MYO10: variants seen among roughly 807,000 people sequenced by gnomAD.
The protein encoded by MYO10 is unconventional myosin-X.
In MYO10, 133 loss-of-function variants were observed where a neutral mutation model predicts 257.3. The ratio of observed to expected loss-of-function variants is 0.52; its 90% confidence interval spans 0.45 to 0.60. The LOEUF is 0.60. MYO10 is among the 20% of genes least tolerant of loss of function. The probability of loss-of-function intolerance (pLI) is 0.00; values close to 1 mark genes in which losing one functional copy is unlikely to be tolerated. For missense variants in MYO10, 2,399 were observed against 2,635.7 expected (o/e 0.91, Z 1.97); for synonymous variants, 1,104 against 1,028.6 (o/e 1.07, Z -1.40).
At chr5:16,867,470 C>T (rs1304759257) in intron 2 of MYO10, among the ~76,000 whole-genome samples, 1 of 151,856 alleles carries the variant, frequency 6.6e-6, no homozygotes, top group Admixed American at 6.6e-5. Context: ...CCAATAGGGG[C>T]AAAGGGAAGG....
At chr5:16,689,090 G>A (rs770453140) in intron 28 of MYO10, among the ~76,000 whole-genome samples, 2 of 152,204 alleles carry the variant, frequency 1.3e-5, no homozygotes, top group Non-Finnish European at 2.9e-5. Flanking sequence ...CCATTCAACA[G>A]AATTGAGGTT....
At chr5:16,869,003 C>T (rs1004992462) in intron 2 of MYO10, among the ~76,000 whole-genome samples, 2 of 151,928 alleles carry the variant, frequency 1.3e-5, no homozygotes, top group Admixed American at 6.5e-5. Flanking sequence ...CAGTGGCTCA[C>T]ACCTGTAATC....
chr5:16,855,296 A>C (rs1160002338), intron 2 of MYO10, among the ~76,000 whole-genome samples: 1 of 152,214 alleles, frequency 6.6e-6, no homozygotes, highest in Non-Finnish European at 1.5e-5. Flanking sequence ...TAACCATTGC[A>C]GATAATGTCC....
chr5:16,707,380 T>C (rs1232789938), intron 21 of MYO10, among the ~76,000 whole-genome samples: 1 of 152,180 alleles, frequency 6.6e-6, no homozygotes, highest in Non-Finnish European at 1.5e-5. Flanking sequence ...GAATGTGGCA[T>C]CAAAGCAGGC....
intron 19 of MYO10, among the ~76,000 whole-genome samples, chr5:16,751,386 C>T (rs1740373004): frequency 1.3e-5 from 2 of 152,274 alleles, no homozygotes; most frequent in South Asian, 4.1e-4. Context: ...GCTATCTTGC[C>T]ATAATCAAAT....
At position 16,665,088 on chromosome 5, in the gene MYO10, A is replaced by C. The variant is rs1736098958; in HGVS notation, c.*1604T>G. ...CGTGGTGATGCATGCCTGTACTCCC[A>C]ACTCCTTGGGAGGCTGAGGCAGGAG... On this transcript the variant is annotated 3_prime_UTR_variant, in exon 41 of 41. Coordinates refer to ENST00000513610, the MANE Select transcript of MYO10 (RefSeq NM_012334.3). 6.6e-6 allele frequency: 1 copy of C among 152,284 alleles called. No homozygotes were observed. Among genetic ancestry groups the C allele is most frequent in the Non-Finnish European group, 1.5e-5 (1 of 68,272 alleles). 9.4% of individuals were successfully genotyped at this position (152,284 alleles called of 1,614,324 possible). A position where few individuals can be genotyped will look rare whatever the true frequency, so the allele number is the denominator to read the frequency against.
Position 16,754,915 on chromosome 5 carries a change from G to C in MYO10, c.1849-7C>G, listed in dbSNP as rs760574370. The stretch of plus-strand genomic sequence containing the variant: ...TTAAGGAATGCAGTGAGTCCTATTA[G>C]AAAAAGTATATGTTGATTTAGTCTC... On this transcript the variant is annotated splice_polypyrimidine_tract_variant and splice_region_variant and intron_variant, in intron 18 of 40. Coordinates refer to ENST00000513610, the MANE Select transcript of MYO10 (RefSeq NM_012334.3). 7.1e-6 allele frequency: 11 copies of C among 1,559,634 alleles called. No individual in the cohort carries two copies. The highest frequency in any genetic ancestry group is 1.4e-5 in the African/African-American group (1 of 73,868).
chr5:16,833,265 G>A (rs1050416637), intron 2 of MYO10, among the ~76,000 whole-genome samples: 25 of 151,102 alleles, frequency 1.7e-4, no homozygotes, highest in African/African-American at 6.1e-4. Context: ...CCAGGCTGGA[G>A]TGCAGTGGCA....
chr5:16,781,766 C>T lies in MYO10; in HGVS notation c.666G>A (p.Gly222=). Residue 222 remains glycine (G), a synonymous_variant, in exon 6 of 41, where the codon GGG becomes GGA. Coordinates refer to ENST00000513610, the MANE Select transcript of MYO10 (RefSeq NM_012334.3). ...TVYNNNSSRF[G]KFVQLNICQK... is the part of the protein sequence containing the mutation. ...GACAGATGTTCAGCTGAACAAACTT[C>T]CCAAAGCGACTAGAGTTGTTGTTGT... 2.5e-6 allele frequency: 4 copies of T among 1,613,994 alleles called. No individual in the cohort carries two copies. The highest frequency in any genetic ancestry group is 2.5e-6 in the Non-Finnish European group (3 of 1,179,876).
chr5:16,685,894 C>T (rs1737233367), intron 28 of MYO10, 63 bp from the exon 29 acceptor site: 2 of 1,250,070 alleles, frequency 1.6e-6, no homozygotes, highest in Non-Finnish European at 2.3e-6. Flanking sequence ...AGCAATAGTG[C>T]CCTACTGCAC....
intron 3 of MYO10, among the ~76,000 whole-genome samples, chr5:16,797,948 A>G (rs1742017237): frequency 6.6e-6 from 1 of 152,244 alleles, no homozygotes; most frequent in Admixed American, 6.5e-5. Flanking sequence ...CAAAGGTAAG[A>G]GCTGATTATG....
intron 1 of MYO10, among the ~76,000 whole-genome samples, chr5:16,890,316 C>G (rs1196312544): frequency 6.6e-6 from 1 of 151,848 alleles, no homozygotes; most frequent in East Asian, 1.9e-4. Flanking sequence ...CTGTGGAAAA[C>G]AGTTTGGCAG....
chr5:16,754,211 T>C (rs1740463159), intron 19 of MYO10, among the ~76,000 whole-genome samples: 1 of 152,218 alleles, frequency 6.6e-6, no homozygotes, highest in Admixed American at 6.5e-5. Flanking sequence ...CGACTGCATA[T>C]ATCTAACACT....
chr5:16,750,676 T>C (rs1030941206), intron 19 of MYO10, among the ~76,000 whole-genome samples: 2 of 152,092 alleles, frequency 1.3e-5, no homozygotes, highest in Non-Finnish European at 2.9e-5. Flanking sequence ...CATTCTTATG[T>C]CTTTAAGATC....
intron 28 of MYO10, among the ~76,000 whole-genome samples, chr5:16,689,308 T>C (rs2126518493): frequency 6.6e-6 from 1 of 152,350 alleles, no homozygotes; most frequent in East Asian, 1.9e-4. Flanking sequence ...TGATTACTTT[T>C]GCACCAAGCT....
At chr5:16,723,158 C>CGAGGTCAT (rs113242798) in intron 19 of MYO10, among the ~76,000 whole-genome samples, 6,352 of 151,952 alleles carry the variant, frequency 0.042, 325 homozygotes, top group African/African-American at 0.12. Context: ...AGGCGGATCA[C>CGAGGTCAT]GAGGTCATGA....
chr5:16,708,837 A>G (rs944837228), intron 21 of MYO10, among the ~76,000 whole-genome samples: 4 of 152,224 alleles, frequency 2.6e-5, no homozygotes. Flanking sequence ...TGCTGGAATT[A>G]CAAATGTGAG....
At chr5:16,915,559 A>G (rs1019690725) in intron 1 of MYO10, among the ~76,000 whole-genome samples, 3 of 152,182 alleles carry the variant, frequency 2.0e-5, no homozygotes, top group Non-Finnish European at 2.9e-5. Flanking sequence ...CAGTACAACC[A>G]CAGCAATGGC....
At chr5:16,690,597 G>A in intron 27 of MYO10, among the ~76,000 whole-genome samples, 1 of 152,132 alleles carries the variant, frequency 6.6e-6, no homozygotes. Context: ...CCCCACTCCT[G>A]CCTGCAACTT....
Sources: allele counts gnomAD v4.1 joint callset (sites outside exome capture counted in the v4.1 genomes callset), GRCh38; gene constraint gnomAD v4.1.1; transcripts MANE v1.5; gene names NCBI Gene and HGNC (gene_info 2026-07-23, HGNC 2026-07-21).